Variants in ANKFN1 observed in about 807,000 individuals in gnomAD.
ANKFN1 encodes ankyrin repeat and fibronectin type III domain containing 1, also known as ankyrin repeat and fibronectin type-III domain-containing protein 1.
In ANKFN1, 74 loss-of-function variants were observed where a neutral mutation model predicts 108.7. That is an observed-to-expected ratio of 0.68 (90% CI 0.56 to 0.83). The LOEUF is 0.83. ANKFN1 is among the 40% of genes least tolerant of loss of function. The pLI, the probability that ANKFN1 is intolerant of heterozygous loss-of-function variation, is 0.00. For synonymous variants in ANKFN1, 547 were observed against 516.2 expected (o/e 1.06, Z -0.81); for missense variants, 1,505 against 1,382.3 (o/e 1.09, Z -1.41).
chr17:56,409,738 A>T (rs1217749966), intron 8 of ANKFN1, among the ~76,000 whole-genome samples: 3 of 152,172 alleles, frequency 2.0e-5, no homozygotes, highest in African/African-American at 7.2e-5. Context: ...TAATATGCCT[A>T]GCTTTTTTCT....
At chr17:56,055,853 G>A (rs936520427) in intron 4 of ANKFN1, among the ~76,000 whole-genome samples, 15 of 151,732 alleles carry the variant, frequency 9.9e-5, no homozygotes, top group Admixed American at 2.0e-4. Context: ...CAATGTATAA[G>A]CATTCCCTTT....
chr17:56,093,154 C>T (rs1004698038), intron 4 of ANKFN1, among the ~76,000 whole-genome samples: 3 of 151,156 alleles, frequency 2.0e-5, no homozygotes, highest in Non-Finnish European at 3.0e-5. Flanking sequence ...GCCACCTTGG[C>T]GGGGAGAGAG....
intron 4 of ANKFN1, among the ~76,000 whole-genome samples, chr17:56,123,494 T>C (rs760156404): frequency 6.6e-6 from 1 of 152,166 alleles, no homozygotes; most frequent in Non-Finnish European, 1.5e-5. Flanking sequence ...GGTTTAGAGT[T>C]CAGCCTCTTT....
intron 1 of ANKFN1, among the ~76,000 whole-genome samples, chr17:56,194,437 T>A (rs1229887011): frequency 1.3e-5 from 2 of 152,080 alleles, no homozygotes; most frequent in Non-Finnish European, 2.9e-5. Context: ...CTAAAAGAAA[T>A]GAGCTCACAA....
intron 7 of ANKFN1, 136 bp downstream of exon 7, chr17:56,372,976 G>T: frequency 1.2e-6 from 1 of 846,088 alleles, no homozygotes; most frequent in Non-Finnish European, 1.8e-6. Context: ...TGGAGCAAGG[G>T]CTCTGAGAGG....
intron 1 of ANKFN1, among the ~76,000 whole-genome samples, chr17:56,185,475 T>G (rs557817257): frequency 6.6e-6 from 1 of 152,282 alleles, no homozygotes; most frequent in East Asian, 1.9e-4. Flanking sequence ...CCCTAAGAGC[T>G]TCTCTGTCGA....
intron 3 of ANKFN1, among the ~76,000 whole-genome samples, chr17:56,247,327 C>A (rs1918033371): frequency 6.6e-6 from 1 of 152,132 alleles, no homozygotes; most frequent in South Asian, 2.1e-4. Context: ...AAATACAGGT[C>A]ATTTGAAAGT....
At chr17:56,248,044 G>A (rs550207990) in intron 3 of ANKFN1, among the ~76,000 whole-genome samples, 2 of 152,266 alleles carry the variant, frequency 1.3e-5, no homozygotes, top group Admixed American at 6.5e-5. Context: ...TTACTTAGTC[G>A]TCAGCAACCA....
intron 8 of ANKFN1, among the ~76,000 whole-genome samples, chr17:56,389,928 C>G (rs970880190): frequency 1.3e-5 from 2 of 152,190 alleles, no homozygotes; most frequent in Non-Finnish European, 2.9e-5. Flanking sequence ...ACACGATGGT[C>G]CCTGTGCTGA....
chr17:56,457,787 C>A, intron 13 of ANKFN1, 76 bp from the exon 14 acceptor site: 1 of 1,110,838 alleles, frequency 9.0e-7, no homozygotes, highest in Non-Finnish European at 1.3e-6. Flanking sequence ...TTCTTTCTCC[C>A]TGCTTTGCTT....
chr17:56,080,182 A>T (rs1232132393), intron 4 of ANKFN1, among the ~76,000 whole-genome samples: 1 of 152,244 alleles, frequency 6.6e-6, no homozygotes, highest in Non-Finnish European at 1.5e-5. Context: ...CATGATGCTG[A>T]AGTCCAAATT....
intron 4 of ANKFN1, among the ~76,000 whole-genome samples, chr17:56,131,132 T>C (rs1009709511): frequency 1.3e-5 from 2 of 152,168 alleles, no homozygotes; most frequent in African/African-American, 4.8e-5. Context: ...GTCAGAAAAT[T>C]CCAGGCAGAT....
intron 3 of ANKFN1, among the ~76,000 whole-genome samples, chr17:56,320,320 C>G (rs2045326631): frequency 6.6e-6 from 1 of 152,180 alleles, no homozygotes; most frequent in African/African-American, 2.4e-5. Context: ...GTATCTTTGA[C>G]ATCCAAAATT....
At chr17:56,188,555 G>A (rs1311985599) in intron 1 of ANKFN1, among the ~76,000 whole-genome samples, 16 of 75,638 alleles carry the variant, frequency 2.1e-4, no homozygotes, top group Non-Finnish European at 2.6e-4. Flanking sequence ...ATGTGTGTGT[G>A]TGTGTGTATG....
At chr17:56,116,649 G>T (rs1371785161) in intron 4 of ANKFN1, among the ~76,000 whole-genome samples, 1 of 152,094 alleles carries the variant, frequency 6.6e-6, no homozygotes, top group Non-Finnish European at 1.5e-5. Flanking sequence ...GTACCCTGAA[G>T]GCTTTACCAG....
Position 56,097,670 on chromosome 17 carries a change from C to A in ANKFN1, c.288+51345C>A, listed in dbSNP as rs115917547. 1.0e-3 allele frequency among the ~76,000 whole-genome samples: 155 copies of A among 152,258 alleles called. 1 individual carries two copies. The highest frequency in any genetic ancestry group is 3.6e-3 in the African/African-American group (150 of 41,544). On this transcript the variant is annotated intron_variant, in intron 4 of 12. Transcript: ENST00000635860. ...TATCACTCTTCTGCTCAGAACCTTC[C>A]AGCGAGTTCTGTGAAAGTCCTTTCC... is the stretch of plus-strand genomic sequence containing the variant.
chr17:56,368,226 C>G (rs1434920887), intron 6 of ANKFN1: 5 of 1,123,008 alleles, frequency 4.5e-6, no homozygotes, highest in East Asian at 8.8e-5. Flanking sequence ...ATTTTTTTAT[C>G]AAGAGGTATA....
intron 7 of ANKFN1, among the ~76,000 whole-genome samples, chr17:56,373,270 G>C (rs2046859547): frequency 6.6e-6 from 1 of 152,118 alleles, no homozygotes; most frequent in Non-Finnish European, 1.5e-5. Context: ...TTTTTATATA[G>C]AGCTATAAAC....
At chr17:56,437,562 T>C (rs1010074666) in intron 8 of ANKFN1, among the ~76,000 whole-genome samples, 1 of 152,150 alleles carries the variant, frequency 6.6e-6, no homozygotes, top group South Asian at 2.1e-4. Context: ...TCTTTGCAAA[T>C]TTGCTACTCA....
Sources: allele counts gnomAD v4.1 joint callset (sites outside exome capture counted in the v4.1 genomes callset), GRCh38; gene constraint gnomAD v4.1.1; transcripts MANE v1.5; gene names NCBI Gene and HGNC (gene_info 2026-07-23, HGNC 2026-07-21).